The following PIGF variants were observed in gnomAD, a reference collection of about 807,000 sequenced individuals.
The protein encoded by PIGF is phosphatidylinositol glycan anchor biosynthesis class F, also known as GPI ethanolamine phosphate transferase, stabilizing subunit.
Under a neutral mutation model 26.0 loss-of-function variants are expected in PIGF, and 23 were observed. The ratio of observed to expected loss-of-function variants is 0.88; its 90% CI spans 0.64 to 1.25. PIGF has a LOEUF of 1.25. Among genes scored for constraint, PIGF ranks in the 50% most tolerant of loss-of-function variants. PIGF has a pLI of 0.00. For synonymous variants in PIGF, 93 were observed against 92.6 expected (o/e 1.00, Z -0.03); for missense variants, 278 against 249.9 (o/e 1.11, Z -0.76).
chr2:46,588,420 T>C lies in PIGF; in HGVS notation c.546+4055A>G, dbSNP rs1203940918. ...AATATAGTCATTAAACTATGTCTTT[T>C]CTAGGTCACAAATGCCTGTAACATT... On this transcript the variant is annotated intron_variant, in intron 5 of 5. Transcript: ENST00000281382. The surrounding 1 kb of genome is among the most constrained non-coding windows in gnomAD (Gnocchi z 4.1). 2 of 391,608 alleles carry C rather than the reference T, an allele frequency of 5.1e-6. No individual in the cohort carries two copies. Among genetic ancestry groups the C allele is most frequent in the East Asian group, 1.1e-4 (2 of 18,418 alleles). The allele number at this position is 391,608 out of a possible 1,614,324, so 24.3% of individuals were successfully genotyped here. A position where few individuals can be genotyped will look rare whatever the true frequency, so the allele number is the denominator to read the frequency against.
At chr2:46,599,883 T>C (rs1264222005) in intron 4 of PIGF, among the ~76,000 whole-genome samples, 1 of 152,052 alleles carries the variant, frequency 6.6e-6, no homozygotes, top group Non-Finnish European at 1.5e-5. Flanking sequence ...ACACTTCACA[T>C]GGGCACACAT....
chr2:46,598,869 C>A (rs1316429264), intron 4 of PIGF, among the ~76,000 whole-genome samples: 1 of 152,098 alleles, frequency 6.6e-6, no homozygotes, highest in African/African-American at 2.4e-5. Context: ...ACAACAGCAA[C>A]AACAAAATGA....
intron 5 of PIGF, chr2:46,592,023 AG>A (rs1669736631): frequency 1.4e-5 from 18 of 1,243,884 alleles, no homozygotes; most frequent in Non-Finnish European, 1.8e-5. Context: ...AGTTGAAAAT[AG>A]GAAATTTCTG....
intron 4 of PIGF, among the ~76,000 whole-genome samples, chr2:46,599,371 C>T (rs1669988213): frequency 6.6e-6 from 1 of 152,154 alleles, no homozygotes; most frequent in Non-Finnish European, 1.5e-5. Context: ...AAACTGTCTT[C>T]TATCACATCT....
In PIGF at chr2:46,588,285, G is replaced by C; in HGVS notation, c.546+4190C>G. The C allele has an allele frequency of 1.4e-6, 2 of 1,395,328 alleles. No individual in the cohort carries two copies. Among genetic ancestry groups the C allele is most frequent in the Non-Finnish European group, 1.9e-6 (2 of 1,042,010 alleles). The allele number at this position is 1,395,328 out of a possible 1,614,324, so 86.4% of individuals were successfully genotyped here. A position where few individuals can be genotyped will look rare whatever the true frequency, so the allele number is the denominator to read the frequency against. On this transcript the variant is annotated intron_variant, in intron 5 of 5. Transcript: ENST00000281382. The surrounding 1 kb of genome is among the most constrained non-coding windows in gnomAD (Gnocchi z 4.1). ...AAATTAACAGTCCACTCTACCAACT[G>C]AAAGACTGCTGGGCAGAAAAAATAA...
At chr2:46,600,618 T>G (rs1278063742) in intron 4 of PIGF, among the ~76,000 whole-genome samples, 1 of 152,144 alleles carries the variant, frequency 6.6e-6, no homozygotes, top group Non-Finnish European at 1.5e-5. Flanking sequence ...GAGAAACTGC[T>G]GCCATCCCAC....
intron 5 of PIGF, among the ~76,000 whole-genome samples, chr2:46,591,071 T>G (rs1267471136): frequency 2.6e-5 from 4 of 152,274 alleles, no homozygotes; most frequent in African/African-American, 9.6e-5. Flanking sequence ...CAGAGAAAAT[T>G]GGACAAATAT....
chr2:46,599,770 G>A (rs1669997864), intron 4 of PIGF, among the ~76,000 whole-genome samples: 1 of 151,808 alleles, frequency 6.6e-6, no homozygotes, highest in Non-Finnish European at 1.5e-5. Context: ...TGCTTCTAGG[G>A]TAGCACTTTC....
Position 46,589,627 on chromosome 2 carries a change from T to C in PIGF, c.546+2848A>G, listed in dbSNP as rs1669669965. Among the ~76,000 whole-genome samples, 1 of 151,882 alleles carries C rather than the reference T, an allele frequency of 6.6e-6. No individual in the cohort carries two copies. The highest frequency in any genetic ancestry group is 2.1e-4 in the South Asian group (1 of 4,826). On this transcript the variant is annotated intron_variant, in intron 5 of 5. Coordinates refer to ENST00000281382, the MANE Select transcript of PIGF (RefSeq NM_002643.4). This position sits in a 1 kb window ranked among gnomAD's most constrained non-coding sequence, Gnocchi z 4.7. Reference sequence around the variant, plus strand: ...CTTGCTTTACCACAAGCAGATCAAATCGGTATTGGGCTACAAGGAACACAG... The same window carrying C: ...CTTGCTTTACCACAAGCAGATCAAACCGGTATTGGGCTACAAGGAACACAG...
rs748298713 is a variant in PIGF at position 46,588,222 on chromosome 2, A to G, written c.546+4253T>C. ...ATTGAAAATTATGTGAAATCCAAAT[A>G]CCCTAAATTGGCATAACTAAATACC... On this transcript the variant is annotated intron_variant, in intron 5 of 5. Transcript: ENST00000281382. This position sits in a 1 kb window ranked among gnomAD's most constrained non-coding sequence, Gnocchi z 4.1. 1.7e-5 allele frequency: 27 copies of G among 1,605,216 alleles called. No homozygotes were observed. The highest frequency in any genetic ancestry group is 2.7e-5 in the African/African-American group (2 of 74,400).
At chr2:46,601,841 G>A (rs558783054) in intron 4 of PIGF, among the ~76,000 whole-genome samples, 155 of 152,000 alleles carry the variant, frequency 1.0e-3, no homozygotes, top group African/African-American at 3.7e-3. Context: ...ACCTCGGCTA[G>A]ATCACTACTC....
At chr2:46,614,774 G>C in intron 2 of PIGF, 163 bp downstream of exon 2, 7 of 548,588 alleles carry the variant, frequency 1.3e-5, no homozygotes, top group Non-Finnish European at 1.6e-5. Context: ...AACATTGTGG[G>C]CAGCCTTCCA....
intron 5 of PIGF, chr2:46,587,983 C>T (rs1669628618): frequency 1.9e-6 from 2 of 1,053,080 alleles, no homozygotes; most frequent in Non-Finnish European, 2.5e-6. Flanking sequence ...CTTAAGTCTC[C>T]CTCTTCCCAC....
chr2:46,611,558 C>T (rs916786239), intron 4 of PIGF, among the ~76,000 whole-genome samples: 5 of 151,958 alleles, frequency 3.3e-5, no homozygotes, highest in African/African-American at 1.2e-4. Flanking sequence ...ACACAGAGCA[C>T]AGACTAAGTG....
Position 46,588,205 on chromosome 2 carries a change from T to C in PIGF, c.546+4270A>G. 6.2e-7 allele frequency: 1 copy of C among 1,609,242 alleles called. No individual in the cohort carries two copies. The highest frequency in any genetic ancestry group is 8.5e-7 in the Non-Finnish European group (1 of 1,178,182). ...CTGAAATGTCAGACAGGATTGAAAATTATGTGAAATCCAAATACCCTAAAT... is the reference window on the plus strand; with the variant it reads ...CTGAAATGTCAGACAGGATTGAAAACTATGTGAAATCCAAATACCCTAAAT... On this transcript the variant is annotated intron_variant, in intron 5 of 5. Coordinates refer to ENST00000281382, the MANE Select transcript of PIGF (RefSeq NM_002643.4). The surrounding 1 kb of genome is among the most constrained non-coding windows in gnomAD (Gnocchi z 4.1).
chr2:46,612,918 C>G (rs1358416725), intron 3 of PIGF, among the ~76,000 whole-genome samples: 2 of 152,244 alleles, frequency 1.3e-5, no homozygotes, highest in South Asian at 4.1e-4. Flanking sequence ...CTGTGCCAGA[C>G]ACATTCATTC....
intron 4 of PIGF, among the ~76,000 whole-genome samples, chr2:46,603,760 G>C (rs1240378457): frequency 6.6e-6 from 1 of 152,004 alleles, no homozygotes; most frequent in African/African-American, 2.4e-5. Flanking sequence ...ACTACTAAAA[G>C]GAAACATTGG....
intron 4 of PIGF, among the ~76,000 whole-genome samples, chr2:46,603,276 C>G (rs1670115503): frequency 6.6e-6 from 1 of 151,962 alleles, no homozygotes; most frequent in Non-Finnish European, 1.5e-5. Context: ...GTTAAAATGT[C>G]CATACTACCC....
intron 4 of PIGF, among the ~76,000 whole-genome samples, chr2:46,601,941 T>A (rs1670072047): frequency 2.0e-5 from 3 of 151,860 alleles, no homozygotes; most frequent in Non-Finnish European, 4.4e-5. Context: ...AATAACAGCA[T>A]AAAAGAACTG....
Sources: allele counts gnomAD v4.1 joint callset (sites outside exome capture counted in the v4.1 genomes callset), GRCh38; gene constraint gnomAD v4.1.1; non-coding constraint Gnocchi (gnomAD v3.1); transcripts MANE v1.5; gene names NCBI Gene and HGNC (gene_info 2026-07-23, HGNC 2026-07-21).